Variants in NOL4L observed in about 807,000 individuals in gnomAD.
NOL4L encodes the protein nucleolar protein 4-like.
In NOL4L, 7 loss-of-function variants were observed where a neutral mutation model predicts 64.5. The ratio of observed to expected loss-of-function variants is 0.11; its 90% CI spans 0.06 to 0.20. The LOEUF is 0.20. Among genes scored for constraint, NOL4L ranks in the 10% least tolerant of loss-of-function variants. The probability of loss-of-function intolerance (pLI) is 1.00; values close to 1 mark genes in which losing one functional copy is unlikely to be tolerated. For missense variants in NOL4L, 680 were observed against 967.1 expected, an observed-to-expected ratio of 0.70 and a Z score of 3.94; for synonymous variants, 413 against 401.0, an observed-to-expected ratio of 1.03 and a Z score of -0.36.
intron 1 of NOL4L, among the ~76,000 whole-genome samples, chr20:32,539,795 T>C (rs2018621353): frequency 6.6e-6 from 1 of 152,182 alleles, no homozygotes; most frequent in Admixed American, 6.5e-5. Context: ...GGCCTGAGGC[T>C]CATCTTTACA....
rs1419889746 is a variant in NOL4L at position 32,488,790 on chromosome 20, CCTTT to C, written c.700-14052_700-14049del. ...TCCTTCCTTCCTTCCTTCCTTCCTT[CCTTT>C]CTTTCTTTCTTTTTCTTTCTTTCTT... On this transcript the variant is annotated intron_variant, in intron 4 of 10. Transcript: ENST00000621426. 6.0e-4 allele frequency among the ~76,000 whole-genome samples: 24 copies of C among 39,750 alleles called. 1 individual carries two copies. Among genetic ancestry groups the C allele is most frequent in the South Asian group, 5.1e-3 (7 of 1,360 alleles). The allele number at this position is 39,750 out of a possible 152,430, so 26.1% of individuals were successfully genotyped here. A position where few individuals can be genotyped will look rare whatever the true frequency, so the allele number is the denominator to read the frequency against.
intron 1 of NOL4L, among the ~76,000 whole-genome samples, chr20:32,578,408 C>T: frequency 6.6e-6 from 1 of 152,068 alleles, no homozygotes; most frequent in Non-Finnish European, 1.5e-5. Flanking sequence ...TTTTTTGAGA[C>T]AGAGTCTCCC....
At chr20:32,489,360 A>G (rs1600742309) in intron 4 of NOL4L, among the ~76,000 whole-genome samples, 1 of 151,118 alleles carries the variant, frequency 6.6e-6, no homozygotes, top group African/African-American at 2.4e-5. Context: ...TTTATCTTTT[A>G]TTTTTTATTT....
intron 4 of NOL4L, among the ~76,000 whole-genome samples, chr20:32,491,156 G>C (rs1402705195): frequency 6.6e-6 from 1 of 152,218 alleles, no homozygotes; most frequent in African/African-American, 2.4e-5. Context: ...GCAGGGGAGA[G>C]AGAGATTAAA....
chr20:32,483,559 A>G, intron 4 of NOL4L: 5 of 959,176 alleles, frequency 5.2e-6, no homozygotes, highest in African/African-American at 2.0e-5. Flanking sequence ...CCAGGCGAGC[A>G]GCGGCGGCAG....
At chr20:32,485,089 A>AC (rs2016024919) in intron 4 of NOL4L, among the ~76,000 whole-genome samples, 1 of 131,106 alleles carries the variant, frequency 7.6e-6, no homozygotes, top group Non-Finnish European at 1.6e-5. Flanking sequence ...AAAAAAAAAC[A>AC]ACTAAAAAAA....
At chr20:32,513,232 G>A (rs2017488677) in intron 3 of NOL4L, among the ~76,000 whole-genome samples, 1 of 152,150 alleles carries the variant, frequency 6.6e-6, no homozygotes, top group Non-Finnish European at 1.5e-5. Context: ...ACAGGGCCGA[G>A]GTCCAGGAGG....
At chr20:32,555,217 G>A (rs2145608055) in intron 1 of NOL4L, among the ~76,000 whole-genome samples, 1 of 152,236 alleles carries the variant, frequency 6.6e-6, no homozygotes, top group African/African-American at 2.4e-5. Flanking sequence ...GAGTGTTACT[G>A]TCTGTTACGG....
rs774276800 is a variant in NOL4L at position 32,456,353 on chromosome 20, G to A, written c.884C>T (p.Thr295Ile). 4 of 1,485,758 alleles carry A rather than the reference G, an allele frequency of 2.7e-6. No individual in the cohort carries two copies. The highest frequency in any genetic ancestry group is 2.8e-5 in the African/African-American group (2 of 70,188). The allele number at this position is 1,485,758 out of a possible 1,614,324, so 92.0% of individuals were successfully genotyped here. The change falls in exon 6 of 11, where the codon ACC (threonine) becomes ATC (isoleucine). Residue 295 changes from threonine to isoleucine, a missense_variant. This residue lies in a region of NOL4L where 254 missense variants were observed against 238.7 expected (regional missense o/e 1.06). Transcript: ENST00000621426. ...GCTGCTCGACGTGGATGGGTTCAGG[G>A]TGGAGGAGCCATTGCCGCTGCCACT... ...SESGSGNGSSTLNPSTSSSTQ... is the reference protein window; with the variant it reads ...SESGSGNGSSILNPSTSSSTQ...
chr20:32,450,510 C>G (rs2012781383), intron 10 of NOL4L: 1 of 152,296 alleles, frequency 6.6e-6, no homozygotes, highest in Admixed American at 6.5e-5. Flanking sequence ...CCAGGATGCA[C>G]AAGGGCAGAG....
chr20:32,485,639 G>T (rs2016058110), intron 4 of NOL4L: 2 of 416,558 alleles, frequency 4.8e-6, no homozygotes, highest in Non-Finnish European at 1.0e-5. Context: ...TGTGGGGCAG[G>T]TGGGAGGCTT....
At chr20:32,525,073 G>A (rs539131009) in intron 2 of NOL4L, among the ~76,000 whole-genome samples, 25 of 152,318 alleles carry the variant, frequency 1.6e-4, no homozygotes, top group Admixed American at 2.6e-4. Flanking sequence ...GCTGGGCAGC[G>A]GGAAGTGGGG....
chr20:32,488,795 C>CTT (rs762340184), intron 4 of NOL4L, among the ~76,000 whole-genome samples: 1 of 47,076 alleles, frequency 2.1e-5, no homozygotes, highest in Non-Finnish European at 3.5e-5. Flanking sequence ...TCCTTCCTTT[C>CTT]TTTCTTTCTT....
rs1354917144 is a variant in NOL4L, at chr20:32,453,050, G to GC, written c.1498-45dup. 1 of 1,607,912 alleles carries GC rather than the reference G, an allele frequency of 6.2e-7. No individual in the cohort carries two copies. On this transcript the variant is annotated intron_variant, in intron 8 of 10. Coordinates refer to ENST00000621426, the MANE Select transcript of NOL4L (RefSeq NM_001256798.2). This position sits in a 1 kb window ranked among gnomAD's most constrained non-coding sequence, Gnocchi z 5.6. ...TGGAGCTAGCATGGGGCCCGTGGGG[G>GC]CCCTGGGCTTGTGCAGAGACCCTGC...
At chr20:32,494,285 C>CA (rs1211381526) in intron 4 of NOL4L, among the ~76,000 whole-genome samples, 52 of 79,016 alleles carry the variant, frequency 6.6e-4, no homozygotes, top group African/African-American at 2.8e-3. Context: ...AAAAAAAACA[C>CA]ACAACACACA....
intron 1 of NOL4L, among the ~76,000 whole-genome samples, chr20:32,534,541 C>T (rs4911237): frequency 0.3 from 45,151 of 152,094 alleles, 7,746 homozygotes; most frequent in East Asian, 0.77. Context: ...CCTCCTGTCC[C>T]CAAAACCCAG....
chr20:32,508,342 A>C (rs1404444668), intron 4 of NOL4L, among the ~76,000 whole-genome samples: 2 of 152,146 alleles, frequency 1.3e-5, no homozygotes, highest in African/African-American at 4.8e-5. Flanking sequence ...GAAGAATCAA[A>C]GACTGCTGGG....
chr20:32,488,792 T>TTCCTTTCTTTCTTTCC, intron 4 of NOL4L, among the ~76,000 whole-genome samples: 2 of 30,172 alleles, frequency 6.6e-5, no homozygotes, highest in South Asian at 1.8e-3. Context: ...CCTTCCTTCC[T>TTCCTTTCTTTCTTTCC]TTCTTTCTTT....
intron 2 of NOL4L, 136 bp downstream of exon 2, chr20:32,527,622 C>G (rs2018180770): frequency 9.8e-7 from 1 of 1,015,294 alleles, no homozygotes. Flanking sequence ...TTGCCCTGTG[C>G]CCCCCTAGAT....
Sources: gnomAD v4.1 joint callset for allele counts (sites outside exome capture counted in the v4.1 genomes callset) on GRCh38, gnomAD v4.1.1 for gene constraint, gnomAD v4.1.1 regional missense constraint, Gnocchi (gnomAD v3.1) non-coding constraint, MANE v1.5 for transcripts, NCBI Gene and HGNC (gene_info 2026-07-23, HGNC 2026-07-21) for gene names.